CBX5: variants seen among roughly 807,000 people sequenced by gnomAD.
The protein encoded by CBX5 is chromobox 5.
CBX5 carries 7 observed loss-of-function variants against 20.7 expected under a neutral mutation model. The observed-to-expected ratio is 0.34, with a 90% CI of 0.19 to 0.63. The LOEUF (loss-of-function observed/expected upper bound fraction) is 0.63, where lower values mean the gene tolerates loss of function less well. CBX5 is among the 30% of genes least tolerant of loss of function. CBX5 has a pLI of 0.75. For synonymous variants in CBX5, 78 were observed against 77.0 expected, an observed-to-expected ratio of 1.01 and a Z score of -0.07; for missense variants, 110 against 224.1, an observed-to-expected ratio of 0.49 and a Z score of 3.25.
At chr12:54,250,158 G>A (rs1565868972) in intron 3 of CBX5, among the ~76,000 whole-genome samples, 1 of 152,178 alleles carries the variant, frequency 6.6e-6, no homozygotes, top group Non-Finnish European at 1.5e-5. Flanking sequence ...AGGAGATGGA[G>A]GGTGCAGTGA....
chr12:54,250,864 G>A (rs1943792828), intron 3 of CBX5, among the ~76,000 whole-genome samples: 1 of 149,724 alleles, frequency 6.7e-6, no homozygotes. Flanking sequence ...GGGCGCGGTG[G>A]CTCACGCCTG....
At chr12:54,276,427 G>C (rs867738533) in intron 1 of CBX5, among the ~76,000 whole-genome samples, 91 of 152,124 alleles carry the variant, frequency 6.0e-4, no homozygotes, top group African/African-American at 1.7e-3. Context: ...TCATGTAATT[G>C]GTTGATTACT....
At chr12:54,242,917 G>C (rs1943693425) in intron 4 of CBX5, among the ~76,000 whole-genome samples, 1 of 152,064 alleles carries the variant, frequency 6.6e-6, no homozygotes, top group Non-Finnish European at 1.5e-5. Context: ...TTGAGCCTAG[G>C]AGTTTGAGAC....
intron 1 of CBX5, among the ~76,000 whole-genome samples, chr12:54,263,792 AAAAG>A (rs1361406105): frequency 2.0e-5 from 3 of 149,866 alleles, no homozygotes; most frequent in Non-Finnish European, 4.4e-5. Context: ...AAGAAAAGAA[AAAAG>A]AAAAAAAAAG....
intron 3 of CBX5, among the ~76,000 whole-genome samples, chr12:54,250,354 A>C (rs1318937004): frequency 6.6e-6 from 1 of 152,144 alleles, no homozygotes; most frequent in Non-Finnish European, 1.5e-5. Context: ...AGGGTGCAGT[A>C]AGCCGAGATC....
chr12:54,233,495 TA>T lies in CBX5; in HGVS notation c.*8259del, dbSNP rs1943589643. On this transcript the variant is annotated 3_prime_UTR_variant, in exon 5 of 5. Transcript: ENST00000209875. ...AGCCTTAAGAGTGTTGTGACATGATTAAACTGTCTTTTCAGGTGTTCTCAAA... is the reference window on the plus strand; with the variant it reads ...AGCCTTAAGAGTGTTGTGACATGATTAACTGTCTTTTCAGGTGTTCTCAAA... The T allele has an allele frequency of 6.6e-6, 1 of 152,216 alleles. No individual in the cohort carries two copies. Among genetic ancestry groups the T allele is most frequent in the South Asian group, 2.1e-4 (1 of 4,830 alleles). The allele number at this position is 152,216 out of a possible 1,614,324, so 9.4% of individuals were successfully genotyped here.
chr12:54,256,781 G>A lies in CBX5; in HGVS notation c.137+733C>T, dbSNP rs192647874. On this transcript the variant is annotated intron_variant, in intron 2 of 4. Transcript: ENST00000209875. ...TAAAATTAATTTCACAGCCAGGCACGGTGGCTCACGGCTGTAATCCCAGCA... is the reference window on the plus strand; with the variant it reads ...TAAAATTAATTTCACAGCCAGGCACAGTGGCTCACGGCTGTAATCCCAGCA... Among the ~76,000 whole-genome samples, 42 of 152,198 alleles carry A rather than the reference G, an allele frequency of 2.8e-4. No individual in the cohort carries two copies. The East Asian group carries it at 3.5e-3, about 13-fold the overall frequency.
chr12:54,251,553 T>C (rs1011820819), intron 3 of CBX5, among the ~76,000 whole-genome samples: 55 of 143,464 alleles, frequency 3.8e-4, no homozygotes, highest in African/African-American at 1.4e-3. Flanking sequence ...CAGCCAGGTG[T>C]GGTGGCATGT....
At position 54,232,025 on chromosome 12, in the gene CBX5, G is replaced by C. The variant is rs1943573882; in HGVS notation, c.*9730C>G. On this transcript the variant is annotated 3_prime_UTR_variant, in exon 5 of 5. Transcript: ENST00000209875. ...GGTTGCTTTGATCCTGAGACAGTCTGAGTCTGCTTCAAACCCATGGGGAAA... is the reference window on the plus strand; with the variant it reads ...GGTTGCTTTGATCCTGAGACAGTCTCAGTCTGCTTCAAACCCATGGGGAAA... 1.3e-5 allele frequency: 2 copies of C among 152,274 alleles called. No homozygotes were observed. Among genetic ancestry groups the C allele is most frequent in the Non-Finnish European group, 2.9e-5 (2 of 68,034 alleles). The allele number at this position is 152,274 out of a possible 1,614,324, so 9.4% of individuals were successfully genotyped here.
intron 1 of CBX5, among the ~76,000 whole-genome samples, chr12:54,275,785 C>T (rs1437576444): frequency 3.3e-5 from 5 of 151,818 alleles, no homozygotes; most frequent in African/African-American, 1.2e-4. Flanking sequence ...GCAGGCAGAT[C>T]ACCTAAGGTC....
chr12:54,251,034 G>A (rs1943795278), intron 3 of CBX5, among the ~76,000 whole-genome samples: 1 of 151,766 alleles, frequency 6.6e-6, no homozygotes, highest in Non-Finnish European at 1.5e-5. Context: ...GGGAGGCTGA[G>A]GCAGGAGAAC....
In CBX5 at chr12:54,280,057, GGTGAGGCCGCACCACAA is replaced by G. The variant is rs1944122949; in HGVS notation, c.-109_-93del. ...GCTAACGTCTGCCCTGTTCCTGTAT[GGTGAGGCCGCACCACAA>G]GCCACCACCGCCGCCGCCTTCTGCG... is the stretch of plus-strand genomic sequence containing the variant. On this transcript the variant is annotated 5_prime_UTR_variant, in exon 1 of 5. Transcript: ENST00000209875. 1 of 159,260 alleles carries G rather than the reference GGTGAGGCCGCACCACAA, an allele frequency of 6.3e-6. No individual in the cohort carries two copies. The allele number at this position is 159,260 out of a possible 1,614,324, so 9.9% of individuals were successfully genotyped here. A position where few individuals can be genotyped will look rare whatever the true frequency, so the allele number is the denominator to read the frequency against.
intron 1 of CBX5, among the ~76,000 whole-genome samples, chr12:54,275,532 C>T (rs1002951158): frequency 2.0e-5 from 3 of 151,982 alleles, no homozygotes; most frequent in Non-Finnish European, 2.9e-5. Context: ...TAAGCCACTG[C>T]GCCCAGGCAG....
intron 2 of CBX5, chr12:54,255,627 AGAGGCAAGGGTCTTG>A (rs1472976123): frequency 6.6e-6 from 1 of 152,110 alleles, no homozygotes; most frequent in Non-Finnish European, 1.5e-5. Flanking sequence ...AAGTTTTGAA[AGAGGCAAGGGTCTTG>A]CTATGTTAAC....
Position 54,257,701 on chromosome 12 carries a change from G to A in CBX5, c.-42-9C>T. ...CTAAGGCCACCAGGTCCCTGCAAAG[G>A]CAAAGGACAAAATGGTTAGAATCCA... On this transcript the variant is annotated splice_polypyrimidine_tract_variant and intron_variant, in intron 1 of 4. Coordinates refer to ENST00000209875, the MANE Select transcript of CBX5 (RefSeq NM_012117.3). The A allele has an allele frequency of 1.9e-6, 3 of 1,607,892 alleles. No homozygotes were observed. The highest frequency in any genetic ancestry group is 1.7e-6 in the Non-Finnish European group (2 of 1,176,112).
chr12:54,238,939 G>A lies in CBX5; in HGVS notation c.*2816C>T. The A allele has an allele frequency of 6.6e-6, 1 of 152,244 alleles. No individual in the cohort carries two copies. Among genetic ancestry groups the A allele is most frequent in the East Asian group, 1.9e-4 (1 of 5,196 alleles). The allele number at this position is 152,244 out of a possible 1,614,324, so 9.4% of individuals were successfully genotyped here. A position where few individuals can be genotyped will look rare whatever the true frequency, so the allele number is the denominator to read the frequency against. On this transcript the variant is annotated 3_prime_UTR_variant, in exon 5 of 5. Coordinates refer to ENST00000209875, the MANE Select transcript of CBX5 (RefSeq NM_012117.3). ...AGCTCTTAACTATTAACTCTTCTGA[G>A]GGGAGAAAGCTCCATGAAACAGGTT...
In CBX5 at chr12:54,244,033, GCT is replaced by G. The variant is rs373973746; in HGVS notation, c.425+2080_425+2081del. The stretch of plus-strand genomic sequence containing the variant: ...TTTTTTTTTTTTGAGACAGAGTCTC[GCT>G]CTGTTGCCCAGGCTGGAGTGCAGTG... On this transcript the variant is annotated intron_variant, in intron 4 of 4. Transcript: ENST00000209875. Among the ~76,000 whole-genome samples the G allele has an allele frequency of 6.1e-3, 914 of 150,572 alleles. 12 individuals carry two copies. Among genetic ancestry groups the G allele is most frequent in the African/African-American group, 0.021 (871 of 41,068 alleles).
Position 54,231,701 on chromosome 12 carries a change from T to C in CBX5, c.*10054A>G, listed in dbSNP as rs984371061. On this transcript the variant is annotated 3_prime_UTR_variant, in exon 5 of 5. Transcript: ENST00000209875. ...TTTCTCAAACCAGAGGGAAAAAAGGTCAAGGTTAGGTTCAGACTGCAGACA... is the reference window on the plus strand; with the variant it reads ...TTTCTCAAACCAGAGGGAAAAAAGGCCAAGGTTAGGTTCAGACTGCAGACA... 6.6e-6 allele frequency: 1 copy of C among 152,104 alleles called. No homozygotes were observed. Among genetic ancestry groups the C allele is most frequent in the African/African-American group, 2.4e-5 (1 of 41,390 alleles). 9.4% of individuals were successfully genotyped at this position (152,104 alleles called of 1,614,324 possible).
chr12:54,235,569 G>T lies in CBX5; in HGVS notation c.*6186C>A. ...GTGGAGCTTGCAGTGAGCCGAGATT[G>T]CGCCACTGCACTCCAGCCTGGGAGA... On this transcript the variant is annotated 3_prime_UTR_variant, in exon 5 of 5. Transcript: ENST00000209875. 6.6e-6 allele frequency: 1 copy of T among 152,234 alleles called. No homozygotes were observed. The allele number at this position is 152,234 out of a possible 1,614,324, so 9.4% of individuals were successfully genotyped here. A position where few individuals can be genotyped will look rare whatever the true frequency, so the allele number is the denominator to read the frequency against.
Sources: gnomAD v4.1 joint callset for allele counts (sites outside exome capture counted in the v4.1 genomes callset) on GRCh38, gnomAD v4.1.1 for gene constraint, MANE v1.5 for transcripts, NCBI Gene and HGNC (gene_info 2026-07-23, HGNC 2026-07-21) for gene names.